The following WDR4 variants were observed in gnomAD, a reference collection of about 807,000 sequenced individuals.
The protein encoded by WDR4 is tRNA (guanine-N(7)-)-methyltransferase non-catalytic subunit WDR4.
In WDR4, 47 loss-of-function variants were observed where a neutral mutation model predicts 48.6. That is an observed-to-expected ratio of 0.97 (90% CI 0.77 to 1.23). WDR4 has a LOEUF of 1.23. Ranked by LOEUF, WDR4 falls within the 50% of genes most tolerant of loss-of-function variation. WDR4 has a pLI of 0.00. For missense variants in WDR4, 606 were observed against 551.6 expected, an observed-to-expected ratio of 1.10 and a Z score of -0.99; for synonymous variants, 268 against 230.0, an observed-to-expected ratio of 1.17 and a Z score of -1.49.
chr21:42,861,463 G>A (rs898588737), intron 5 of WDR4, among the ~76,000 whole-genome samples: 4 of 152,086 alleles, frequency 2.6e-5, no homozygotes, highest in African/African-American at 4.8e-5. Flanking sequence ...GCGTGTTCCC[G>A]TCAGCAGAAA....
chr21:42,860,395 G>A lies in WDR4; in HGVS notation c.567-673C>T, dbSNP rs749093024. ...AAGAATAACCCAAGCAGCCCAGCTC[G>A]CCTGGAAACCCATCTTGGCTCGGGC... On this transcript the variant is annotated intron_variant, in intron 5 of 10. Coordinates refer to ENST00000398208, the MANE Select transcript of WDR4 (RefSeq NM_018669.6). Among the ~76,000 whole-genome samples the A allele has an allele frequency of 9.1e-4, 138 of 152,350 alleles. 1 individual carries two copies. Among genetic ancestry groups the A allele is most frequent in the Admixed American group, 1.4e-3 (22 of 15,302 alleles).
chr21:42,873,896 A>C (rs2058430697), intron 2 of WDR4, among the ~76,000 whole-genome samples: 1 of 152,140 alleles, frequency 6.6e-6, no homozygotes, highest in Admixed American at 6.6e-5. Flanking sequence ...CTAAACAGAA[A>C]ATCTCCCAGC....
rs868095972 is a variant in WDR4 at position 42,864,122 on chromosome 21, A to G, written c.297-526T>C. On this transcript the variant is annotated intron_variant, in intron 3 of 10. Transcript: ENST00000398208. ...GACTCCGTCTCAAAAAAAAAAAAAA[A>G]AAAAAAAAGAAAAGAATAGAAAATT... Among the ~76,000 whole-genome samples, 201 of 146,552 alleles carry G rather than the reference A, an allele frequency of 1.4e-3. 1 individual carries two copies. Among genetic ancestry groups the G allele is most frequent in the African/African-American group, 4.7e-3 (183 of 38,788 alleles).
chr21:42,844,392 A>G (rs2057693028), downstream of WDR4, among the ~76,000 whole-genome samples: 1 of 152,256 alleles, frequency 6.6e-6, no homozygotes. Flanking sequence ...CATGATGACT[A>G]TCATGTATCA....
chr21:42,848,601 T>C (rs1402314606), downstream of WDR4, among the ~76,000 whole-genome samples: 1 of 48,506 alleles, frequency 2.1e-5, no homozygotes, highest in Non-Finnish European at 3.4e-5. Context: ...TCACGCAGCG[T>C]GCACCTCACA....
intron 3 of WDR4, among the ~76,000 whole-genome samples, chr21:42,864,358 G>A (rs539020721): frequency 7.4e-4 from 112 of 151,994 alleles, no homozygotes; most frequent in African/African-American, 2.5e-3. Context: ...AGTCTCCAGG[G>A]CCCCCCAGCC....
At chr21:42,872,820 C>T (rs376093066) in intron 3 of WDR4, among the ~76,000 whole-genome samples, 15 of 151,968 alleles carry the variant, frequency 9.9e-5, no homozygotes, top group African/African-American at 3.4e-4. Flanking sequence ...GCCTGTAATC[C>T]CAGCTACTGG....
At chr21:42,852,148 T>G in intron 10 of WDR4, 107 bp downstream of exon 10, 15 of 1,195,712 alleles carry the variant, frequency 1.3e-5, no homozygotes. Flanking sequence ...CTCTCCCTCT[T>G]TATCTGCACA....
At chr21:42,869,173 A>G (rs1172975490) in intron 3 of WDR4, among the ~76,000 whole-genome samples, 1 of 152,110 alleles carries the variant, frequency 6.6e-6, no homozygotes, top group Non-Finnish European at 1.5e-5. Context: ...TCTTGCTCTC[A>G]TTTTGTACTT....
chr21:42,854,698 AG>A, intron 7 of WDR4, 72 bp from the exon 8 acceptor site: 1 of 1,471,412 alleles, frequency 6.8e-7, no homozygotes, highest in South Asian at 1.2e-5. Flanking sequence ...TGATCCAACA[AG>A]AGCAAGACCG....
In WDR4 at chr21:42,864,394, C is replaced by T. The variant is rs145780389; in HGVS notation, c.297-798G>A. Among the ~76,000 whole-genome samples, 561 of 152,262 alleles carry T rather than the reference C, an allele frequency of 3.7e-3. 5 individuals carry two copies. Among genetic ancestry groups the T allele is most frequent in the Middle Eastern group, 0.014 (4 of 294 alleles). ...TTGCCGCTCCCCTGACCCACACTGACCCCTGCTGCTCGTTCTGCTGCGTCG... is the reference window on the plus strand; with the variant it reads ...TTGCCGCTCCCCTGACCCACACTGATCCCTGCTGCTCGTTCTGCTGCGTCG... On this transcript the variant is annotated intron_variant, in intron 3 of 10. Transcript: ENST00000398208.
chr21:42,870,682 G>T lies in WDR4; in HGVS notation c.296+2869C>A, dbSNP rs548383360. Among the ~76,000 whole-genome samples the T allele has an allele frequency of 2.9e-4, 44 of 152,138 alleles. No homozygotes were observed. In the Middle Eastern group the frequency reaches 0.017, roughly 59 times the overall value. ...CACATGCTTGTAATCCCAGCTACTT[G>T]GGAGGTTGAGGCAGGAGAATTGCTT... On this transcript the variant is annotated intron_variant, in intron 3 of 10. Coordinates refer to ENST00000398208, the MANE Select transcript of WDR4 (RefSeq NM_018669.6).
chr21:42,883,797 T>G (rs1256955452), upstream of WDR4: 2 of 153,448 alleles, frequency 1.3e-5, no homozygotes, highest in African/African-American at 4.8e-5. Context: ...TCCAGAACTG[T>G]GAGAATAAAT....
In WDR4 at chr21:42,872,504, G is replaced by A. The variant is rs529429633; in HGVS notation, c.296+1047C>T. The stretch of plus-strand genomic sequence containing the variant: ...TGTGCACCTATAGTCCCAGCTACTC[G>A]AGAGGCTGAGATGGGAGAATTGCTT... On this transcript the variant is annotated intron_variant, in intron 3 of 10. Coordinates refer to ENST00000398208, the MANE Select transcript of WDR4 (RefSeq NM_018669.6). 2.6e-5 allele frequency among the ~76,000 whole-genome samples: 4 copies of A among 151,586 alleles called. No individual in the cohort carries two copies. The East Asian group carries it at 5.9e-4, about 22-fold the overall frequency.
In WDR4 at chr21:42,850,156, TCTC is replaced by T; in HGVS notation, c.1129_1131del (p.Glu377del). On this transcript the variant is annotated inframe_deletion, in exon 11 of 11. Transcript: ENST00000398208. The stretch of plus-strand genomic sequence containing the variant: ...TTCTTCTCTAGCTGCTGCTGCAGTC[TCTC>T]CTCTTTCTTCTTCAGGTAGGAGGTC... 3 of 1,614,100 alleles carry T rather than the reference TCTC, an allele frequency of 1.9e-6. No individual in the cohort carries two copies. The highest frequency in any genetic ancestry group is 1.1e-5 in the South Asian group (1 of 91,072).
At chr21:42,879,662 G>T, upstream of WDR4, 1 of 798,570 alleles carries the variant, frequency 1.3e-6, no homozygotes, top group South Asian at 2.0e-5. Context: ...TGCTGTGACC[G>T]CCCTCCGGGT....
chr21:42,863,649 TC>T lies in WDR4; in HGVS notation c.297-54del. ...AGCTTCCAGGAGCAGCGCAGGGTCC[TC>T]GACAGCCTGGCAGGCCACGTGGGCG... is the stretch of plus-strand genomic sequence containing the variant. On this transcript the variant is annotated intron_variant, in intron 3 of 10. Transcript: ENST00000398208. 5 of 1,560,496 alleles carry T rather than the reference TC, an allele frequency of 3.2e-6. No individual in the cohort carries two copies. In the South Asian group the frequency reaches 5.8e-5, roughly 18 times the overall value.
intron 3 of WDR4, among the ~76,000 whole-genome samples, chr21:42,868,494 G>A (rs1400673037): frequency 2.0e-5 from 3 of 152,116 alleles, no homozygotes; most frequent in Non-Finnish European, 4.4e-5. Flanking sequence ...CGGCACACAC[G>A]GCCAGACCCA....
chr21:42,862,163 G>A lies in WDR4; in HGVS notation c.566+119C>T, dbSNP rs1030652041. 17 of 861,222 alleles carry A rather than the reference G, an allele frequency of 2.0e-5. No individual in the cohort carries two copies. The highest frequency in any genetic ancestry group is 5.1e-5 in the African/African-American group (3 of 59,224). 53.3% of individuals were successfully genotyped at this position (861,222 alleles called of 1,614,324 possible). On this transcript the variant is annotated intron_variant, in intron 5 of 10. Coordinates refer to ENST00000398208, the MANE Select transcript of WDR4 (RefSeq NM_018669.6). This position sits in a 1 kb window ranked among gnomAD's most constrained non-coding sequence, Gnocchi z 4.3. ...CCTGCAGTGACCAAACACCAAGCAC[G>A]GGGGCTGCTGTCACCCGCGTGGGGC...
Sources: allele counts gnomAD v4.1 joint callset (sites outside exome capture counted in the v4.1 genomes callset), GRCh38; gene constraint gnomAD v4.1.1; non-coding constraint Gnocchi (gnomAD v3.1); transcripts MANE v1.5; gene names NCBI Gene and HGNC (gene_info 2026-07-23, HGNC 2026-07-21).